FGGY: variants seen among roughly 807,000 people sequenced by gnomAD.
FGGY encodes FGGY carbohydrate kinase domain-containing protein.
Under a neutral mutation model 71.3 loss-of-function variants are expected in FGGY, and 72 were observed. The ratio of observed to expected loss-of-function variants is 1.01; its 90% CI spans 0.84 to 1.23. The LOEUF (loss-of-function observed/expected upper bound fraction) is 1.23, where lower values mean the gene tolerates loss of function less well. FGGY is among the 50% of genes most tolerant of loss of function. The pLI is 0.00. For synonymous variants in FGGY, 251 were observed against 250.3 expected (o/e 1.00, Z -0.02); for missense variants, 668 against 682.3 (o/e 0.98, Z 0.23).
At chr1:59,453,549 C>T (rs1360308060) in intron 5 of FGGY, among the ~76,000 whole-genome samples, 2 of 152,164 alleles carry the variant, frequency 1.3e-5, no homozygotes, top group African/African-American at 4.8e-5. Context: ...TCACTGGAGT[C>T]TTGGCTGACT....
chr1:59,321,471 T>G, intron 1 of FGGY, 65 bp from the exon 2 acceptor site: 1 of 1,412,794 alleles, frequency 7.1e-7, no homozygotes, highest in Non-Finnish European at 9.8e-7. Flanking sequence ...ACTTTTGAGA[T>G]GTTTTGTGAC....
Position 59,399,582 on chromosome 1 carries a change from A to T in FGGY, c.554+20745A>T, listed in dbSNP as rs538045746. Among the ~76,000 whole-genome samples, 256 of 152,324 alleles carry T rather than the reference A, an allele frequency of 1.7e-3. 3 individuals are homozygous for T. The highest frequency in any genetic ancestry group is 5.1e-3 in the African/African-American group (213 of 41,578). On this transcript the variant is annotated intron_variant, in intron 5 of 15. Coordinates refer to ENST00000303721, the MANE Select transcript of FGGY (RefSeq NM_018291.5). ...TTCATCATTTGTAATAGGGATGACA[A>T]TAGCTCTTTGTAAGGATTAAATATT...
intron 7 of FGGY, among the ~76,000 whole-genome samples, chr1:59,551,555 G>T (rs1558319591): frequency 6.6e-6 from 1 of 152,188 alleles, no homozygotes; most frequent in East Asian, 1.9e-4. Flanking sequence ...AAGATCCCAA[G>T]ATTTTGAGAT....
At chr1:59,517,989 A>G (rs1228114550) in intron 7 of FGGY, among the ~76,000 whole-genome samples, 1 of 152,182 alleles carries the variant, frequency 6.6e-6, no homozygotes, top group Non-Finnish European at 1.5e-5. Flanking sequence ...CACATTACCA[A>G]GTTTCGGCCA....
In FGGY at chr1:59,418,139, G is replaced by A. The variant is rs189556922; in HGVS notation, c.555-38822G>A. ...GAAAAGGAGGTTATGCAGACTCAGT[G>A]TATAACTCCTAAAGATGCATCAGAG... On this transcript the variant is annotated intron_variant, in intron 5 of 15. Coordinates refer to ENST00000303721, the MANE Select transcript of FGGY (RefSeq NM_018291.5). 4.7e-4 allele frequency among the ~76,000 whole-genome samples: 72 copies of A among 152,206 alleles called. No individual in the cohort carries two copies. The East Asian group carries it at 9.9e-3, about 21-fold the overall frequency.
At chr1:59,464,169 C>A (rs1218799424) in intron 6 of FGGY, among the ~76,000 whole-genome samples, 1 of 152,212 alleles carries the variant, frequency 6.6e-6, no homozygotes, top group Non-Finnish European at 1.5e-5. Flanking sequence ...AACTGTCTTT[C>A]AGACCACAGT....
chr1:59,714,175 T>G (rs1013000032), intron 14 of FGGY, among the ~76,000 whole-genome samples: 1 of 152,178 alleles, frequency 6.6e-6, no homozygotes, highest in Non-Finnish European at 1.5e-5. Context: ...GTGAGTTCAT[T>G]GGGATAATAA....
At chr1:59,401,409 C>A (rs1404705532) in intron 5 of FGGY, among the ~76,000 whole-genome samples, 1 of 152,120 alleles carries the variant, frequency 6.6e-6, no homozygotes, top group Non-Finnish European at 1.5e-5. Flanking sequence ...ATGATGGAGA[C>A]CCTTGCTATC....
chr1:59,646,137 T>C (rs2097091878), intron 11 of FGGY, among the ~76,000 whole-genome samples: 2 of 152,220 alleles, frequency 1.3e-5, no homozygotes, highest in South Asian at 4.2e-4. Context: ...AAGAGCTCAA[T>C]AGAGAGCAGA....
intron 4 of FGGY, among the ~76,000 whole-genome samples, chr1:59,354,759 A>G (rs1330978793): frequency 6.6e-6 from 1 of 152,196 alleles, no homozygotes; most frequent in Non-Finnish European, 1.5e-5. Context: ...CTTAGAGTCT[A>G]GTGTAGAGAG....
chr1:59,680,311 T>C (rs1411840986), intron 14 of FGGY, among the ~76,000 whole-genome samples: 1 of 152,094 alleles, frequency 6.6e-6, no homozygotes, highest in African/African-American at 2.4e-5. Flanking sequence ...CTGTCCCATA[T>C]GTCAGTGTCC....
At chr1:59,433,451 G>C (rs2067794376) in intron 5 of FGGY, among the ~76,000 whole-genome samples, 1 of 152,182 alleles carries the variant, frequency 6.6e-6, no homozygotes, top group African/African-American at 2.4e-5. Flanking sequence ...TGTGTCTGGA[G>C]CACAGGTTGC....
intron 9 of FGGY, among the ~76,000 whole-genome samples, chr1:59,611,380 G>A (rs914012293): frequency 1.3e-5 from 2 of 152,184 alleles, no homozygotes; most frequent in African/African-American, 4.8e-5. Context: ...CTCCACTGGT[G>A]ATACTCAGGG....
chr1:59,511,982 G>T (rs893829966), intron 6 of FGGY, among the ~76,000 whole-genome samples: 3 of 152,288 alleles, frequency 2.0e-5, no homozygotes, highest in South Asian at 2.1e-4. Context: ...AAGCCCATTT[G>T]GAATGGTTTG....
At chr1:59,725,206 G>A (rs1048433186) in intron 14 of FGGY, among the ~76,000 whole-genome samples, 1 of 152,144 alleles carries the variant, frequency 6.6e-6, no homozygotes, top group African/African-American at 2.4e-5. Context: ...ATGACTTGTT[G>A]AAAATATTAC....
chr1:59,490,263 A>G (rs1443586226), intron 6 of FGGY, among the ~76,000 whole-genome samples: 1 of 152,106 alleles, frequency 6.6e-6, no homozygotes, highest in Non-Finnish European at 1.5e-5. Context: ...TTGCCCAGGC[A>G]GGTCTTAAAC....
At chr1:59,679,268 A>G (rs1359254156) in intron 14 of FGGY, among the ~76,000 whole-genome samples, 3 of 151,380 alleles carry the variant, frequency 2.0e-5, no homozygotes, top group Non-Finnish European at 2.9e-5. Context: ...TGTATATAAC[A>G]TGTCTCCCAT....
intron 4 of FGGY, among the ~76,000 whole-genome samples, chr1:59,356,163 A>G (rs2153227136): frequency 6.6e-6 from 1 of 152,172 alleles, no homozygotes; most frequent in East Asian, 1.9e-4. Flanking sequence ...TTCCTTTTTC[A>G]GCCCTACCCC....
At chr1:59,649,897 T>C (rs375045765) in intron 11 of FGGY, among the ~76,000 whole-genome samples, 1 of 142,218 alleles carries the variant, frequency 7.0e-6, no homozygotes, top group Non-Finnish European at 1.5e-5. Flanking sequence ...TTGTCATAGA[T>C]AGCTCTTATT....
Sources: allele counts gnomAD v4.1 joint callset (sites outside exome capture counted in the v4.1 genomes callset), GRCh38; gene constraint gnomAD v4.1.1; transcripts MANE v1.5; gene names NCBI Gene and HGNC (gene_info 2026-07-23, HGNC 2026-07-21).